NTM: variants seen among roughly 807,000 people sequenced by gnomAD.
NTM encodes the protein neurotrimin.
NTM carries 13 observed loss-of-function variants against 42.1 expected under a neutral mutation model. That is an observed-to-expected ratio of 0.31 (90% confidence interval 0.20 to 0.49). The LOEUF (loss-of-function observed/expected upper bound fraction) is 0.49, where lower values mean the gene tolerates loss of function less well. Among genes scored for constraint, NTM ranks in the 20% least tolerant of loss-of-function variants. The probability of loss-of-function intolerance (pLI) is 0.99; values close to 1 mark genes in which losing one functional copy is unlikely to be tolerated. For synonymous variants in NTM, 187 were observed against 179.2 expected, an observed-to-expected ratio of 1.04 and a Z score of -0.35; for missense variants, 373 against 452.8, an observed-to-expected ratio of 0.82 and a Z score of 1.60.
intron 3 of NTM, among the ~76,000 whole-genome samples, chr11:132,203,787 T>A (rs2081516535): frequency 1.3e-5 from 2 of 152,016 alleles, no homozygotes; most frequent in Non-Finnish European, 2.9e-5. Context: ...TAGTCCCAGC[T>A]ACTCGGGAGG....
At position 132,307,468 on chromosome 11, in the gene NTM, C is replaced by CACAA. The variant is rs1353424515; in HGVS notation, c.527-217_527-214dup. ...GCACTGTGCTTTGTTCAGTTAGGAA[C>CACAA]ACAAACATTTCAGCTGTTCCACTGG... On this transcript the variant is annotated intron_variant, in intron 4 of 8. Transcript: ENST00000683400. Among the ~76,000 whole-genome samples the CACAA allele has an allele frequency of 2.6e-5, 4 of 152,296 alleles. No individual in the cohort carries two copies. In the East Asian group the frequency reaches 7.7e-4, roughly 29 times the overall value.
intron 4 of NTM, chr11:132,285,097 A>C (rs1376231277): frequency 1.3e-5 from 2 of 152,430 alleles, no homozygotes; most frequent in East Asian, 3.9e-4. Flanking sequence ...GTCCACTCAG[A>C]CCTTCCCAGC....
At chr11:131,548,980 T>A (rs2054297746) in intron 1 of NTM, among the ~76,000 whole-genome samples, 1 of 152,186 alleles carries the variant, frequency 6.6e-6, no homozygotes, top group Non-Finnish European at 1.5e-5. Flanking sequence ...AGCTTATACA[T>A]CCTTATTTTA....
At chr11:131,588,290 G>A (rs184409536) in intron 1 of NTM, among the ~76,000 whole-genome samples, 72 of 152,344 alleles carry the variant, frequency 4.7e-4, no homozygotes, top group African/African-American at 1.6e-3. Context: ...CACCCCCAGT[G>A]AGCAACCCAA....
At chr11:132,180,466 A>G (rs762935036) in intron 3 of NTM, among the ~76,000 whole-genome samples, 3 of 152,218 alleles carry the variant, frequency 2.0e-5, no homozygotes, top group African/African-American at 4.8e-5. Flanking sequence ...AAAAGGACAA[A>G]TGATAGAAAT....
At chr11:132,042,049 A>G (rs1241416568) in intron 2 of NTM, among the ~76,000 whole-genome samples, 1 of 152,194 alleles carries the variant, frequency 6.6e-6, no homozygotes, top group African/African-American at 2.4e-5. Context: ...CTGGCATTCT[A>G]TTGAACTTGT....
chr11:131,824,999 A>G (rs2136459455), intron 1 of NTM, among the ~76,000 whole-genome samples: 1 of 152,318 alleles, frequency 6.6e-6, no homozygotes, highest in South Asian at 2.1e-4. Flanking sequence ...GACTACAACA[A>G]CAGAAATTTA....
At chr11:132,126,821 C>T (rs1310700700) in intron 2 of NTM, among the ~76,000 whole-genome samples, 1 of 152,170 alleles carries the variant, frequency 6.6e-6, no homozygotes, top group African/African-American at 2.4e-5. Context: ...TCTCTGCCAG[C>T]TGCCCCTCCT....
chr11:131,624,664 T>A (rs2062929164), intron 1 of NTM, among the ~76,000 whole-genome samples: 1 of 152,222 alleles, frequency 6.6e-6, no homozygotes, highest in African/African-American at 2.4e-5. Context: ...AAGCATAGGA[T>A]GGACATTTAA....
chr11:132,250,140 T>C (rs990821994), intron 4 of NTM, among the ~76,000 whole-genome samples: 1 of 152,238 alleles, frequency 6.6e-6, no homozygotes, highest in African/African-American at 2.4e-5. Context: ...ACGGTACTTA[T>C]TCTGATACAG....
At chr11:131,596,760 G>A (rs1357589683) in intron 1 of NTM, among the ~76,000 whole-genome samples, 1 of 152,222 alleles carries the variant, frequency 6.6e-6, no homozygotes, top group East Asian at 1.9e-4. Context: ...CCCAGTTAAT[G>A]TGATACTCAG....
intron 4 of NTM, among the ~76,000 whole-genome samples, chr11:132,305,273 G>T (rs1485163480): frequency 6.6e-6 from 1 of 152,204 alleles, no homozygotes; most frequent in Non-Finnish European, 1.5e-5. Context: ...GAGCACAAGA[G>T]ATCCAGAGAA....
chr11:132,112,500 A>G (rs1373887301), intron 2 of NTM, among the ~76,000 whole-genome samples: 1 of 152,108 alleles, frequency 6.6e-6, no homozygotes, highest in Non-Finnish European at 1.5e-5. Flanking sequence ...TTGGTATGGG[A>G]ATGACTGGTG....
chr11:132,096,670 C>G (rs978418760), intron 2 of NTM, among the ~76,000 whole-genome samples: 1 of 152,222 alleles, frequency 6.6e-6, no homozygotes, highest in Admixed American at 6.5e-5. Context: ...AATCAGGCTC[C>G]GCTCGGCCAG....
chr11:132,290,063 A>G (rs1194280273), intron 4 of NTM, among the ~76,000 whole-genome samples: 1 of 152,184 alleles, frequency 6.6e-6, no homozygotes, highest in Non-Finnish European at 1.5e-5. Flanking sequence ...TCTTTCTTCA[A>G]GTTTTCATTT....
At chr11:132,256,815 G>A (rs1003739084) in intron 4 of NTM, among the ~76,000 whole-genome samples, 1 of 152,208 alleles carries the variant, frequency 6.6e-6, no homozygotes, top group African/African-American at 2.4e-5. Context: ...TCCAGCCGCA[G>A]GAGAGTGGGC....
chr11:131,849,093 C>A (rs553772503), intron 1 of NTM, among the ~76,000 whole-genome samples: 2 of 152,086 alleles, frequency 1.3e-5, no homozygotes, highest in Non-Finnish European at 2.9e-5. Flanking sequence ...TTTAAGCTTC[C>A]CTATTTTGGC....
At chr11:131,936,538 A>C (rs1565777056) in intron 2 of NTM, among the ~76,000 whole-genome samples, 1 of 152,238 alleles carries the variant, frequency 6.6e-6, no homozygotes, top group African/African-American at 2.4e-5. Flanking sequence ...TAATGGATAC[A>C]ATGTATACTA....
intron 2 of NTM, among the ~76,000 whole-genome samples, chr11:131,936,966 T>G (rs2134162169): frequency 6.6e-6 from 1 of 152,108 alleles, no homozygotes; most frequent in Middle Eastern, 3.4e-3. Flanking sequence ...TAGCAAAGAG[T>G]CAAGCGCAGT....
Sources: gnomAD v4.1 joint callset for allele counts (sites outside exome capture counted in the v4.1 genomes callset) on GRCh38, gnomAD v4.1.1 for gene constraint, MANE v1.5 for transcripts, NCBI Gene and HGNC (gene_info 2026-07-23, HGNC 2026-07-21) for gene names.